PHACTR1: variants seen among roughly 807,000 people sequenced by gnomAD.
The protein encoded by PHACTR1 is RPEL repeat containing 1.
In PHACTR1, 16 loss-of-function variants were observed where a neutral mutation model predicts 69.2. The ratio of observed to expected loss-of-function variants is 0.23; its 90% CI spans 0.16 to 0.35. PHACTR1 has a LOEUF of 0.35. PHACTR1 is among the 10% of genes least tolerant of loss of function. PHACTR1 has a pLI of 1.00. For missense variants in PHACTR1, 510 were observed against 734.7 expected, an observed-to-expected ratio of 0.69 and a Z score of 3.54; for synonymous variants, 312 against 284.5, an observed-to-expected ratio of 1.10 and a Z score of -0.97.
At chr6:12,992,134 C>G (rs374919981) in intron 4 of PHACTR1, among the ~76,000 whole-genome samples, 1 of 152,186 alleles carries the variant, frequency 6.6e-6, no homozygotes, top group South Asian at 2.1e-4. Flanking sequence ...TTTCTTCCTT[C>G]TTTCTCCCTT....
In PHACTR1 at chr6:12,864,893, A is replaced by C. The variant is rs1455266019; in HGVS notation, c.250+115103A>C. On this transcript the variant is annotated intron_variant, in intron 4 of 14. Transcript: ENST00000332995. ...GGTTGACTTATACAGCCCGGCATTT[A>C]TAATCCACTTCATTCTCTTCTTGAT... Among the ~76,000 whole-genome samples, 8 of 152,218 alleles carry C rather than the reference A, an allele frequency of 5.3e-5. 1 individual carries two copies. The East Asian group carries it at 1.5e-3, about 29-fold the overall frequency.
intron 8 of PHACTR1, among the ~76,000 whole-genome samples, chr6:13,214,670 C>T (rs1034754978): frequency 3.3e-5 from 5 of 152,124 alleles, no homozygotes; most frequent in African/African-American, 1.2e-4. Context: ...AGGAGAAAGG[C>T]AATGCGGGTA....
chr6:13,149,653 A>G (rs1824004325), intron 5 of PHACTR1, among the ~76,000 whole-genome samples: 2 of 152,086 alleles, frequency 1.3e-5, no homozygotes, highest in Admixed American at 1.3e-4. Flanking sequence ...GGGAGGGGCT[A>G]ACAGAGAGCA....
chr6:13,061,365 T>G (rs1807652953), intron 5 of PHACTR1, among the ~76,000 whole-genome samples: 1 of 152,176 alleles, frequency 6.6e-6, no homozygotes, highest in Non-Finnish European at 1.5e-5. Context: ...CAGTACTGAA[T>G]TTTAGATAGG....
intron 4 of PHACTR1, among the ~76,000 whole-genome samples, chr6:13,031,604 G>A (rs1348996682): frequency 7.2e-6 from 1 of 138,050 alleles, no homozygotes; most frequent in East Asian, 2.5e-4. Flanking sequence ...GCTGGGAAGG[G>A]ATGACTTTTT....
chr6:13,068,634 G>T lies in PHACTR1; in HGVS notation c.415+15105G>T, dbSNP rs567924091. ...CACGTTGTACAATTCCACAAAGCTG[G>T]AGTTTTGTTCCGTAGTTTCCTGGGT... is the stretch of plus-strand genomic sequence containing the variant. On this transcript the variant is annotated intron_variant, in intron 5 of 14. Transcript: ENST00000332995. Among the ~76,000 whole-genome samples the T allele has an allele frequency of 5.3e-5, 8 of 152,256 alleles. No individual in the cohort carries two copies. In the East Asian group the frequency reaches 1.5e-3, roughly 29 times the overall value.
At chr6:13,242,152 G>T (rs1772950523) in intron 10 of PHACTR1, among the ~76,000 whole-genome samples, 1 of 152,152 alleles carries the variant, frequency 6.6e-6, no homozygotes, top group Non-Finnish European at 1.5e-5. Context: ...AGCCTAATGT[G>T]GATCTGGTAG....
intron 4 of PHACTR1, among the ~76,000 whole-genome samples, chr6:12,840,169 T>C (rs983645214): frequency 6.6e-6 from 1 of 152,158 alleles, no homozygotes; most frequent in African/African-American, 2.4e-5. Context: ...GCGAGTCCTT[T>C]GTAGGGACTG....
chr6:12,774,521 A>G (rs1207078848), intron 4 of PHACTR1, among the ~76,000 whole-genome samples: 1 of 151,942 alleles, frequency 6.6e-6, no homozygotes, highest in Non-Finnish European at 1.5e-5. Flanking sequence ...CCTCCCAAGT[A>G]GCTGGGATTA....
At chr6:13,074,819 G>A (rs971120346) in intron 5 of PHACTR1, among the ~76,000 whole-genome samples, 4 of 152,268 alleles carry the variant, frequency 2.6e-5, no homozygotes, top group South Asian at 4.1e-4. Context: ...TGAAGAAGAC[G>A]TCTATCTTCA....
rs202117169 is a variant in PHACTR1, at chr6:13,005,197, TC to T, written c.251-48167del. On this transcript the variant is annotated intron_variant, in intron 4 of 14. Coordinates refer to ENST00000332995, the MANE Select transcript of PHACTR1 (RefSeq NM_030948.6). Reference sequence around the variant, plus strand: ...AAAATCTCTCTCTCTCTTTTTTCTTTCTTTTTTTTTTAGACAAGTTCTCACC... The same window carrying T: ...AAAATCTCTCTCTCTCTTTTTTCTTTTTTTTTTTTTAGACAAGTTCTCACC... Among the ~76,000 whole-genome samples, 843 of 148,934 alleles carry T rather than the reference TC, an allele frequency of 5.7e-3. 9 individuals carry two copies. The highest frequency in any genetic ancestry group is 0.018 in the African/African-American group (715 of 40,368).
chr6:13,041,389 G>T (rs1431080846), intron 4 of PHACTR1, among the ~76,000 whole-genome samples: 1 of 110,110 alleles, frequency 9.1e-6, no homozygotes, highest in Non-Finnish European at 2.0e-5. Context: ...CAGAAGAGAA[G>T]AATGTTTTAG....
chr6:13,148,209 A>G (rs1028418612), intron 5 of PHACTR1, among the ~76,000 whole-genome samples: 1 of 149,736 alleles, frequency 6.7e-6, no homozygotes, highest in Non-Finnish European at 1.5e-5. Context: ...ATTTGCAAAC[A>G]TAAGAGAAGT....
intron 3 of PHACTR1, among the ~76,000 whole-genome samples, chr6:12,720,658 G>A (rs1162847192): frequency 6.6e-6 from 1 of 152,220 alleles, no homozygotes; most frequent in Non-Finnish European, 1.5e-5. Flanking sequence ...AGGATTCCTG[G>A]ATTTGCAGGA....
chr6:13,135,346 G>T (rs1464100745), intron 5 of PHACTR1, among the ~76,000 whole-genome samples: 1 of 152,168 alleles, frequency 6.6e-6, no homozygotes, highest in Non-Finnish European at 1.5e-5. Context: ...CATTCTGGGA[G>T]CCCTGTGCGT....
intron 11 of PHACTR1, among the ~76,000 whole-genome samples, chr6:13,277,523 A>G (rs1329210392): frequency 6.6e-6 from 1 of 152,166 alleles, no homozygotes; most frequent in Non-Finnish European, 1.5e-5. Flanking sequence ...CACCAGACAC[A>G]AGGACTATAC....
chr6:12,830,717 G>A (rs1235161886), intron 4 of PHACTR1, among the ~76,000 whole-genome samples: 1 of 151,992 alleles, frequency 6.6e-6, no homozygotes, highest in African/African-American at 2.4e-5. Context: ...AGCCTCCTGA[G>A]TAGCTGGGAT....
intron 4 of PHACTR1, among the ~76,000 whole-genome samples, chr6:12,781,525 T>A (rs1770820097): frequency 6.6e-6 from 1 of 152,194 alleles, no homozygotes; most frequent in African/African-American, 2.4e-5. Context: ...AATATTTTCA[T>A]TAAGCATGTC....
intron 4 of PHACTR1, among the ~76,000 whole-genome samples, chr6:12,825,792 A>G (rs971599504): frequency 2.0e-5 from 3 of 152,162 alleles, no homozygotes; most frequent in Non-Finnish European, 4.4e-5. Context: ...CTCATCTGCT[A>G]GGGTACTGCC....
Sources: gnomAD v4.1 joint callset for allele counts (sites outside exome capture counted in the v4.1 genomes callset) on GRCh38, gnomAD v4.1.1 for gene constraint, MANE v1.5 for transcripts, NCBI Gene and HGNC (gene_info 2026-07-23, HGNC 2026-07-21) for gene names.